The following GPC6 variants were observed in gnomAD, a reference collection of about 807,000 sequenced individuals.
The protein encoded by GPC6 is glypican 6.
GPC6 carries 14 observed loss-of-function variants against 55.2 expected under a neutral mutation model. The observed-to-expected ratio is 0.25, with a 90% CI of 0.17 to 0.40. GPC6 has a LOEUF of 0.40. GPC6 is among the 10% of genes least tolerant of loss of function. GPC6 has a pLI of 1.00. For synonymous variants in GPC6, 278 were observed against 259.6 expected, an observed-to-expected ratio of 1.07 and a Z score of -0.68; for missense variants, 641 against 708.5, an observed-to-expected ratio of 0.90 and a Z score of 1.08.
At chr13:94,021,238 G>T (rs971561205) in intron 3 of GPC6, among the ~76,000 whole-genome samples, 4 of 150,308 alleles carry the variant, frequency 2.7e-5, no homozygotes, top group African/African-American at 7.4e-5. Context: ...ACAAGCATCT[G>T]CTAGGTGTAT....
chr13:93,965,630 C>G (rs922952350), intron 3 of GPC6, among the ~76,000 whole-genome samples: 20 of 152,062 alleles, frequency 1.3e-4, no homozygotes, highest in Non-Finnish European at 2.5e-4. Context: ...AAGAGGTAAA[C>G]TGAACTAGCC....
chr13:93,873,654 G>A (rs1469829707), intron 3 of GPC6, among the ~76,000 whole-genome samples: 3 of 151,836 alleles, frequency 2.0e-5, no homozygotes, highest in African/African-American at 4.8e-5. Flanking sequence ...GATGCAGACC[G>A]ATCTGGAGCT....
At position 94,291,011 on chromosome 13, in the gene GPC6, G is replaced by A. The variant is rs2139092386; in HGVS notation, c.1008+4532G>A. Among the ~76,000 whole-genome samples the A allele has an allele frequency of 1.3e-5, 2 of 152,242 alleles. 1 individual carries two copies. The highest frequency in any genetic ancestry group is 2.9e-5 in the Non-Finnish European group (2 of 68,018). ...GTTCGAGACCAGCCTAGCCAATATGGCGAAACCCCGTCTCTACTAAAACTA... is the reference window on the plus strand; with the variant it reads ...GTTCGAGACCAGCCTAGCCAATATGACGAAACCCCGTCTCTACTAAAACTA... On this transcript the variant is annotated intron_variant, in intron 5 of 8. Transcript: ENST00000377047.
chr13:93,512,320 T>C (rs1018332378), intron 1 of GPC6, among the ~76,000 whole-genome samples: 15 of 152,136 alleles, frequency 9.9e-5, no homozygotes, highest in Admixed American at 2.0e-4. Flanking sequence ...GTTTGTCATA[T>C]ATGGCCTTTG....
chr13:93,903,427 C>A (rs953962215), intron 3 of GPC6, among the ~76,000 whole-genome samples: 4 of 152,188 alleles, frequency 2.6e-5, no homozygotes, highest in Admixed American at 1.3e-4. Context: ...GCAGAACTTT[C>A]AAAGATATCC....
chr13:93,611,127 A>C (rs1033823775), intron 2 of GPC6, among the ~76,000 whole-genome samples: 8 of 152,202 alleles, frequency 5.3e-5, no homozygotes, highest in African/African-American at 1.9e-4. Context: ...CATTTTTATT[A>C]GTACAATTAT....
intron 4 of GPC6, among the ~76,000 whole-genome samples, chr13:94,029,057 A>G (rs1443968076): frequency 1.3e-5 from 2 of 152,212 alleles, no homozygotes; most frequent in Non-Finnish European, 1.5e-5. Flanking sequence ...CCTCTAAACG[A>G]GCATGCACAA....
At chr13:93,661,774 G>A (rs1332110745) in intron 2 of GPC6, among the ~76,000 whole-genome samples, 1 of 152,108 alleles carries the variant, frequency 6.6e-6, no homozygotes, top group Non-Finnish European at 1.5e-5. Context: ...TATGAGGCAG[G>A]GGTTGCCAAT....
At chr13:93,592,539 C>T (rs559339632) in intron 2 of GPC6, among the ~76,000 whole-genome samples, 1 of 150,960 alleles carries the variant, frequency 6.6e-6, no homozygotes, top group Admixed American at 6.6e-5. Context: ...GTAGCCACCA[C>T]ACCCGGCCCT....
chr13:93,449,487 G>A (rs1878136222), intron 1 of GPC6, among the ~76,000 whole-genome samples: 1 of 143,256 alleles, frequency 7.0e-6, no homozygotes, highest in Admixed American at 6.9e-5. Flanking sequence ...GCACTCCATG[G>A]ATACAAATAA....
intron 2 of GPC6, among the ~76,000 whole-genome samples, chr13:93,649,398 G>A (rs1245040236): frequency 5.9e-5 from 9 of 152,158 alleles, no homozygotes; most frequent in Non-Finnish European, 1.0e-4. Flanking sequence ...GCTGCAATAA[G>A]CTGTAATCAC....
At chr13:93,829,729 A>G (rs368062001) in intron 2 of GPC6, among the ~76,000 whole-genome samples, 8 of 152,326 alleles carry the variant, frequency 5.3e-5, no homozygotes, top group African/African-American at 1.9e-4. Context: ...AAGCAATTTA[A>G]TGGAATTTAG....
At chr13:94,294,759 A>C (rs116322382) in intron 5 of GPC6, among the ~76,000 whole-genome samples, 187 of 152,274 alleles carry the variant, frequency 1.2e-3, no homozygotes, top group African/African-American at 4.3e-3. Flanking sequence ...TCAAATAAAT[A>C]TATTTTTGTT....
chr13:93,919,243 T>C lies in GPC6; in HGVS notation c.711+88698T>C, dbSNP rs182311961. ...AGAGCCATGAGCCATTAAACCCCTT[T>C]GCTTTATAAATTACCCAGTCTCAGA... is the stretch of plus-strand genomic sequence containing the variant. On this transcript the variant is annotated intron_variant, in intron 3 of 8. Coordinates refer to ENST00000377047, the MANE Select transcript of GPC6 (RefSeq NM_005708.5). 4.1e-4 allele frequency among the ~76,000 whole-genome samples: 62 copies of C among 152,334 alleles called. 1 individual carries two copies. Among genetic ancestry groups the C allele is most frequent in the African/African-American group, 1.4e-3 (60 of 41,590 alleles).
At chr13:93,878,710 G>A (rs535994796) in intron 3 of GPC6, among the ~76,000 whole-genome samples, 1 of 152,196 alleles carries the variant, frequency 6.6e-6, no homozygotes, top group East Asian at 1.9e-4. Context: ...TGTGAAGACA[G>A]AGCCTTCAAG....
chr13:93,487,257 A>T (rs1879758491), intron 1 of GPC6, among the ~76,000 whole-genome samples: 1 of 152,140 alleles, frequency 6.6e-6, no homozygotes, highest in African/African-American at 2.4e-5. Flanking sequence ...TCAGGGATAT[A>T]TGTCCAGGTT....
At chr13:94,135,175 T>C (rs1887139361) in intron 4 of GPC6, among the ~76,000 whole-genome samples, 1 of 152,078 alleles carries the variant, frequency 6.6e-6, no homozygotes, top group African/African-American at 2.4e-5. Flanking sequence ...AAATTTCCTT[T>C]CTTTCTTTTT....
At chr13:93,697,316 A>G (rs915044667) in intron 2 of GPC6, among the ~76,000 whole-genome samples, 2 of 152,086 alleles carry the variant, frequency 1.3e-5, no homozygotes, top group African/African-American at 4.8e-5. Context: ...TTTCTCTGGT[A>G]TTTAGGATTC....
chr13:93,468,174 T>A (rs1878982941), intron 1 of GPC6, among the ~76,000 whole-genome samples: 1 of 152,076 alleles, frequency 6.6e-6, no homozygotes, highest in South Asian at 2.1e-4. Flanking sequence ...GAAAGTAAAA[T>A]TTTTCATTTT....
Sources: allele counts gnomAD v4.1 joint callset (sites outside exome capture counted in the v4.1 genomes callset), GRCh38; gene constraint gnomAD v4.1.1; transcripts MANE v1.5; gene names NCBI Gene and HGNC (gene_info 2026-07-23, HGNC 2026-07-21).